SLX4IP: variants seen among roughly 807,000 people sequenced by gnomAD.
The protein encoded by SLX4IP is protein SLX4IP.
Under a neutral mutation model 32.9 loss-of-function variants are expected in SLX4IP, and 34 were observed. That is an observed-to-expected ratio of 1.03 (90% CI 0.79 to 1.38). The LOEUF (loss-of-function observed/expected upper bound fraction) is 1.38. Among genes scored for constraint, SLX4IP ranks in the 40% most tolerant of loss-of-function variants. SLX4IP has a pLI of 0.00. For synonymous variants in SLX4IP, 172 were observed against 171.7 expected (o/e 1.00, Z -0.01); for missense variants, 444 against 479.0 (o/e 0.93, Z 0.68).
intron 2 of SLX4IP, among the ~76,000 whole-genome samples, chr20:10,529,382 A>C (rs1414796405): frequency 6.6e-6 from 1 of 151,960 alleles, no homozygotes; most frequent in Non-Finnish European, 1.5e-5. Context: ...TGAGGTCAGG[A>C]GTCTGAAATT....
chr20:10,549,186 G>C (rs1043462081), intron 2 of SLX4IP, among the ~76,000 whole-genome samples: 33 of 152,038 alleles, frequency 2.2e-4, no homozygotes, highest in Non-Finnish European at 4.3e-4. Flanking sequence ...CCTCTTGCAG[G>C]GTTTATTGCT....
chr20:10,495,941 A>G (rs2065663949), intron 2 of SLX4IP, among the ~76,000 whole-genome samples: 1 of 151,208 alleles, frequency 6.6e-6, no homozygotes, highest in Admixed American at 6.6e-5. Context: ...ATTTTTGGTT[A>G]AATTTTTAAA....
chr20:10,443,333 G>A (rs1568683115), intron 1 of SLX4IP, among the ~76,000 whole-genome samples: 1 of 152,206 alleles, frequency 6.6e-6, no homozygotes, highest in Non-Finnish European at 1.5e-5. Context: ...TTAAAGAGGA[G>A]ATGAATGGAC....
intron 1 of SLX4IP, among the ~76,000 whole-genome samples, chr20:10,443,347 G>C (rs933881167): frequency 6.6e-6 from 1 of 152,202 alleles, no homozygotes; most frequent in African/African-American, 2.4e-5. Context: ...AATGGACCCT[G>C]TCCCTGGGAA....
intron 2 of SLX4IP, among the ~76,000 whole-genome samples, chr20:10,547,026 A>G (rs2066169089): frequency 6.6e-6 from 1 of 152,202 alleles, no homozygotes; most frequent in Admixed American, 6.5e-5. Context: ...GTTAAATTTA[A>G]GTAGCCCTTC....
At chr20:10,538,930 A>T (rs1204647488) in intron 2 of SLX4IP, among the ~76,000 whole-genome samples, 1 of 152,204 alleles carries the variant, frequency 6.6e-6, no homozygotes, top group Non-Finnish European at 1.5e-5. Context: ...TTCTTAATTT[A>T]AGGAATTAAG....
Position 10,591,252 on chromosome 20 carries a change from T to G in SLX4IP, c.239-7423T>G, listed in dbSNP as rs77706607. On this transcript the variant is annotated intron_variant, in intron 4 of 7. Transcript: ENST00000334534. ...CTCACTCAGCATTTTGGTGTTGTTT[T>G]TAAAAGATGGTTTTAATGTGGTCCT... Among the ~76,000 whole-genome samples the G allele has an allele frequency of 9.3e-4, 141 of 152,358 alleles. 4 individuals are homozygous for G. In the East Asian group the frequency reaches 0.026, roughly 28 times the overall value.
At chr20:10,613,509 T>C in intron 6 of SLX4IP, 1 of 1,607,982 alleles carries the variant, frequency 6.2e-7, no homozygotes, top group Non-Finnish European at 8.5e-7. Flanking sequence ...TGCTTCCATC[T>C]GAGCCAGAAA....
chr20:10,523,545 A>G (rs1375122801), intron 2 of SLX4IP, among the ~76,000 whole-genome samples: 1 of 152,256 alleles, frequency 6.6e-6, no homozygotes, highest in Non-Finnish European at 1.5e-5. Flanking sequence ...ACCTTTGTAA[A>G]TGTTGCATTA....
intron 4 of SLX4IP, among the ~76,000 whole-genome samples, chr20:10,562,521 C>T (rs2066344186): frequency 1.3e-5 from 2 of 151,988 alleles, no homozygotes; most frequent in Non-Finnish European, 2.9e-5. Context: ...GCTAGGGTCT[C>T]GGGGGGTTTT....
chr20:10,570,301 C>G (rs143829006), intron 4 of SLX4IP, among the ~76,000 whole-genome samples: 68 of 152,310 alleles, frequency 4.5e-4, no homozygotes, highest in Middle Eastern at 6.8e-3. Context: ...CTCTTACTCC[C>G]TGGGGGACAT....
intron 2 of SLX4IP, among the ~76,000 whole-genome samples, chr20:10,479,510 G>T (rs1321153452): frequency 6.6e-6 from 1 of 151,248 alleles, no homozygotes; most frequent in African/African-American, 2.4e-5. Flanking sequence ...GCACCACCAC[G>T]CTCAGCTAAT....
At chr20:10,540,105 TTCC>T (rs1555813084) in intron 2 of SLX4IP, among the ~76,000 whole-genome samples, 2 of 102,982 alleles carry the variant, frequency 1.9e-5, no homozygotes, top group Non-Finnish European at 3.8e-5. Flanking sequence ...CTTTCCTTCC[TTCC>T]TTCCTTCCTT....
chr20:10,457,156 G>T (rs1204037046), intron 1 of SLX4IP, among the ~76,000 whole-genome samples: 1 of 152,032 alleles, frequency 6.6e-6, no homozygotes, highest in Non-Finnish European at 1.5e-5. Context: ...TATTGTTTAT[G>T]AATAGACAGT....
At chr20:10,548,363 C>T (rs954899753) in intron 2 of SLX4IP, among the ~76,000 whole-genome samples, 2 of 152,168 alleles carry the variant, frequency 1.3e-5, no homozygotes, top group East Asian at 1.9e-4. Flanking sequence ...CTCAGCCTCC[C>T]GAGTAGCTGG....
chr20:10,513,189 A>G (rs1880455153), intron 2 of SLX4IP, among the ~76,000 whole-genome samples: 1 of 152,068 alleles, frequency 6.6e-6, no homozygotes, highest in South Asian at 2.1e-4. Context: ...ACTGTACCAA[A>G]GGCTTTATAT....
At chr20:10,515,945 C>T (rs889679091) in intron 2 of SLX4IP, among the ~76,000 whole-genome samples, 1 of 152,194 alleles carries the variant, frequency 6.6e-6, no homozygotes, top group Admixed American at 6.5e-5. Flanking sequence ...TTGGAGTACA[C>T]TGGCGTGATC....
Position 10,537,429 on chromosome 20 carries a change from G to A in SLX4IP, c.28-18802G>A, listed in dbSNP as rs150183708. ...GAACCCGTAATGAATACTTACAAAG[G>A]AAACACTGTTTCGTGAGGCATGTAC... On this transcript the variant is annotated intron_variant, in intron 2 of 7. Coordinates refer to ENST00000334534, the MANE Select transcript of SLX4IP (RefSeq NM_001009608.3). Among the ~76,000 whole-genome samples, 1,271 of 152,304 alleles carry A rather than the reference G, an allele frequency of 8.3e-3. 11 individuals are homozygous for A. Among genetic ancestry groups the A allele is most frequent in the Middle Eastern group, 0.017 (5 of 294 alleles).
chr20:10,544,173 T>G (rs1278229367), intron 2 of SLX4IP, among the ~76,000 whole-genome samples: 2 of 152,192 alleles, frequency 1.3e-5, no homozygotes, highest in Non-Finnish European at 2.9e-5. Context: ...CCTTAACTGT[T>G]TGGAGTTTAC....
Sources: gnomAD v4.1 joint callset for allele counts (sites outside exome capture counted in the v4.1 genomes callset) on GRCh38, gnomAD v4.1.1 for gene constraint, MANE v1.5 for transcripts, NCBI Gene and HGNC (gene_info 2026-07-23, HGNC 2026-07-21) for gene names.